The following ASIP variants were observed in gnomAD, a reference collection of about 807,000 sequenced individuals.
ASIP encodes agouti signaling protein, also known as agouti-signaling protein.
In ASIP, 11 loss-of-function variants were observed where a neutral mutation model predicts 10.3. The observed-to-expected ratio is 1.07, with a 90% CI of 0.68 to 1.78. The LOEUF is 1.78. Among genes scored for constraint, ASIP ranks in the 40% most tolerant of loss-of-function variants. The pLI is 0.00. For missense variants in ASIP, 180 were observed against 169.2 expected (o/e 1.06, Z -0.35); for synonymous variants, 70 against 70.8 (o/e 0.99, Z 0.06).
intron 1 of ASIP, chr20:34,215,175 T>C: frequency 1.3e-6 from 2 of 1,599,534 alleles, no homozygotes; most frequent in Non-Finnish European, 1.7e-6. Context: ...CTTCTTCCCG[T>C]AGAACTTCTA....
At chr20:34,259,805 T>C (rs761936171) in intron 1 of ASIP, among the ~76,000 whole-genome samples, 26 of 151,978 alleles carry the variant, frequency 1.7e-4, no homozygotes, top group Non-Finnish European at 3.4e-4. Context: ...AGGGGGCCTA[T>C]GTCAACAGCT....
intron 3 of ASIP, among the ~76,000 whole-genome samples, chr20:34,265,153 C>A (rs1276627028): frequency 6.6e-6 from 1 of 152,116 alleles, no homozygotes; most frequent in Non-Finnish European, 1.5e-5. Flanking sequence ...AGATGTTAAT[C>A]CACAGTTTAT....
At chr20:34,227,942 G>T (rs2035104168) in intron 1 of ASIP, among the ~76,000 whole-genome samples, 1 of 152,158 alleles carries the variant, frequency 6.6e-6, no homozygotes, top group South Asian at 2.1e-4. Flanking sequence ...AGAGAGTCTA[G>T]GAATAGACTC....
chr20:34,254,777 T>C (rs1336502360), intron 1 of ASIP, among the ~76,000 whole-genome samples: 1 of 152,188 alleles, frequency 6.6e-6, no homozygotes, highest in African/African-American at 2.4e-5. Flanking sequence ...AGAATCCTAA[T>C]ACAACTAAAC....
chr20:34,246,146 C>A, intron 1 of ASIP: 1 of 991,254 alleles, frequency 1.0e-6, no homozygotes, highest in South Asian at 1.4e-5. Flanking sequence ...AGTTGCAAGG[C>A]CACACACTCT....
chr20:34,258,700 A>ATATATATATATATATATACACACACACAC (rs1555826880), intron 1 of ASIP, among the ~76,000 whole-genome samples: 1 of 77,918 alleles, frequency 1.3e-5, no homozygotes, highest in African/African-American at 4.7e-5. Context: ...TACATACTAT[A>ATATATATATATATATATACACACACACAC]TATATATATT....
At chr20:34,207,784 A>G (rs1326951446) in intron 1 of ASIP, among the ~76,000 whole-genome samples, 1 of 150,524 alleles carries the variant, frequency 6.6e-6, no homozygotes, top group Non-Finnish European at 1.5e-5. Flanking sequence ...TTATTTATTT[A>G]TTTATTTATT....
At chr20:34,246,404 A>C in intron 1 of ASIP, 1 of 1,368,694 alleles carries the variant, frequency 7.3e-7, no homozygotes, top group South Asian at 1.2e-5. Flanking sequence ...AACATCAGGC[A>C]TATATTCACA....
At chr20:34,225,363 C>A (rs2035085754) in intron 1 of ASIP, among the ~76,000 whole-genome samples, 1 of 150,236 alleles carries the variant, frequency 6.7e-6, no homozygotes, top group African/African-American at 2.4e-5. Flanking sequence ...ATAGAAAATT[C>A]TTATCAACAT....
upstream of ASIP, among the ~76,000 whole-genome samples, chr20:34,192,822 T>A (rs986827102): frequency 2.6e-5 from 4 of 152,156 alleles, no homozygotes; most frequent in Admixed American, 2.0e-4. Context: ...TTTAAAAAAA[T>A]TTTATGGATA....
At chr20:34,248,555 C>A (rs575712713) in intron 1 of ASIP, among the ~76,000 whole-genome samples, 24 of 152,260 alleles carry the variant, frequency 1.6e-4, no homozygotes, top group South Asian at 4.1e-4. Context: ...GTAATTCCAG[C>A]ACTTTGGGAG....
chr20:34,239,336 C>A (rs2035252820), upstream of ASIP, among the ~76,000 whole-genome samples: 1 of 152,108 alleles, frequency 6.6e-6, no homozygotes, highest in Admixed American at 6.5e-5. Context: ...CCTGCCTCAG[C>A]CTCCCAAGTA....
chr20:34,221,377 CAAAAAAAGAA>C lies in ASIP; in HGVS notation c.-11+26631_-11+26640del, dbSNP rs1390574765. Among the ~76,000 whole-genome samples the C allele has an allele frequency of 3.4e-5, 5 of 145,826 alleles. No individual in the cohort carries two copies. The South Asian group carries it at 6.4e-4, about 19-fold the overall frequency. Reference sequence around the variant, plus strand: ...TGGGCGACAGAGCGAGACTCTGTCTCAAAAAAAGAAAAAAAAAGAAAAAGAAAGGGAAACA... The same window carrying C: ...TGGGCGACAGAGCGAGACTCTGTCTCAAAAAAAGAAAAAGAAAGGGAAACA... On this transcript the variant is annotated intron_variant, in intron 1 of 3. Transcript: ENST00000568305.
At chr20:34,187,619 G>A in the ASIP span, among the ~76,000 whole-genome samples, 1 of 152,184 alleles carries the variant, frequency 6.6e-6, no homozygotes, top group South Asian at 2.1e-4. Context: ...GGCAGTGACA[G>A]ATGTTATGTA....
chr20:34,194,274 G>T (rs1260914914), upstream of ASIP, among the ~76,000 whole-genome samples: 3 of 152,102 alleles, frequency 2.0e-5, no homozygotes, highest in Non-Finnish European at 4.4e-5. Flanking sequence ...CCCTGAAAAA[G>T]ATGCACTTTG....
chr20:34,203,207 C>A (rs1010200766), intron 1 of ASIP, among the ~76,000 whole-genome samples: 2 of 152,042 alleles, frequency 1.3e-5, no homozygotes, highest in African/African-American at 4.8e-5. Flanking sequence ...ATCTGTCCAT[C>A]AATTAATATG....
At chr20:34,268,690 C>A (rs1433585835) in intron 3 of ASIP, among the ~76,000 whole-genome samples, 1 of 151,592 alleles carries the variant, frequency 6.6e-6, no homozygotes, top group Non-Finnish European at 1.5e-5. Flanking sequence ...GCCGAGATCG[C>A]GCCACTGCAG....
intron 1 of ASIP, among the ~76,000 whole-genome samples, chr20:34,248,287 C>A (rs1226079074): frequency 6.6e-6 from 1 of 152,070 alleles, no homozygotes; most frequent in Non-Finnish European, 1.5e-5. Context: ...GAACTTATGA[C>A]ATCTCAATAT....
intron 1 of ASIP, chr20:34,213,677 T>C: frequency 6.5e-7 from 1 of 1,547,936 alleles, no homozygotes; most frequent in South Asian, 1.1e-5. Context: ...TCTTTGAGTA[T>C]ATGTTCTGAA....
Sources: gnomAD v4.1 joint callset for allele counts (sites outside exome capture counted in the v4.1 genomes callset) on GRCh38, gnomAD v4.1.1 for gene constraint, MANE v1.5 for transcripts, NCBI Gene and HGNC (gene_info 2026-07-23, HGNC 2026-07-21) for gene names.